Variants in PUDP observed in about 807,000 individuals in gnomAD.
PUDP encodes pseudouridine-5'-phosphatase.
A neutral mutation model predicts 9.4 loss-of-function variants in PUDP; 8 were observed. The observed-to-expected ratio is 0.85, with a 90% confidence interval of 0.50 to 1.53. The LOEUF is 1.53. PUDP is among the 40% of genes most tolerant of loss of function. PUDP has a pLI of 0.00. For synonymous variants in PUDP, 99 were observed against 80.7 expected (o/e 1.23, Z -1.22); for missense variants, 188 against 189.7 (o/e 0.99, Z 0.05).
intron 3 of PUDP, among the ~76,000 whole-genome samples, chrX:6,883,521 CA>C (rs753618830): frequency 0.024 from 982 of 41,356 alleles, 7 homozygotes; most frequent in African/African-American, 0.06. Flanking sequence ...GACCTTGTCT[CA>C]AAAAAAAAAA....
intron 3 of PUDP, among the ~76,000 whole-genome samples, chrX:6,757,193 A>G (rs778389584): frequency 8.1e-5 from 9 of 111,684 alleles, no homozygotes; most frequent in Non-Finnish European, 1.5e-4. Flanking sequence ...TTGGAAGTAG[A>G]TAGAGCCGGA....
intron 3 of PUDP, among the ~76,000 whole-genome samples, chrX:6,907,214 G>C (rs763751004): frequency 4.5e-5 from 5 of 110,975 alleles, no homozygotes; most frequent in Non-Finnish European, 9.4e-5. Context: ...CTTTCCCTGT[G>C]TTCACTCTGC....
upstream of PUDP, among the ~76,000 whole-genome samples, chrX:6,726,268 G>T (rs1006139984): frequency 4.5e-5 from 5 of 111,485 alleles, no homozygotes; most frequent in East Asian, 1.4e-3. Flanking sequence ...ACTAAAGGCT[G>T]GGAAGCACAG....
chrX:7,059,412 G>T (rs1443165661), intron 3 of PUDP, among the ~76,000 whole-genome samples: 2 of 111,962 alleles, frequency 1.8e-5, no homozygotes, highest in Non-Finnish European at 3.8e-5. Context: ...AAAACAAACC[G>T]CAAGTTTCTA....
chrX:6,716,712 A>G (rs887674374), intron 1 of PUDP, among the ~76,000 whole-genome samples: 2 of 110,259 alleles, frequency 1.8e-5, no homozygotes, highest in African/African-American at 6.6e-5. Context: ...AGCTCACTGC[A>G]ACCTCAAACT....
At chrX:7,124,902 G>A (rs1469368055) in intron 1 of PUDP, among the ~76,000 whole-genome samples, 13 of 108,830 alleles carry the variant, frequency 1.2e-4, no homozygotes, top group Non-Finnish European at 2.5e-4. Flanking sequence ...GAGCGGAGAT[G>A]GCGCCACTGC....
chrX:6,931,196 G>A (rs1032140323), intron 3 of PUDP, among the ~76,000 whole-genome samples: 2 of 111,331 alleles, frequency 1.8e-5, no homozygotes, highest in Admixed American at 1.9e-4. Context: ...TATTATTAGC[G>A]CCAGGACCTG....
At chrX:6,899,044 CCTGT>C (rs1927634632) in intron 3 of PUDP, among the ~76,000 whole-genome samples, 1 of 112,122 alleles carries the variant, frequency 8.9e-6, no homozygotes, top group Non-Finnish European at 1.9e-5. Context: ...TTCTGTGTAG[CCTGT>C]CTAACTCCCT....
chrX:7,021,678 T>C (rs775369883), intron 1 of PUDP, among the ~76,000 whole-genome samples: 5 of 112,067 alleles, frequency 4.5e-5, no homozygotes, highest in Admixed American at 3.8e-4. Flanking sequence ...CATATGCGTA[T>C]GTCAAAACTA....
intron 3 of PUDP, among the ~76,000 whole-genome samples, chrX:6,828,752 G>T (rs1175947675): frequency 9.0e-6 from 1 of 111,107 alleles, no homozygotes; most frequent in Non-Finnish European, 1.9e-5. Flanking sequence ...CCATAGTTTT[G>T]CCCTGTCCAA....
At chrX:6,785,056 G>A (rs1034913683) in intron 3 of PUDP, among the ~76,000 whole-genome samples, 8 of 112,379 alleles carry the variant, frequency 7.1e-5, no homozygotes, top group African/African-American at 1.9e-4. Flanking sequence ...ATCTTTCCAC[G>A]ACGTTATCTT....
chrX:6,902,062 A>C (rs747737581), intron 3 of PUDP, among the ~76,000 whole-genome samples: 1 of 110,057 alleles, frequency 9.1e-6, no homozygotes, highest in African/African-American at 3.3e-5. Flanking sequence ...TTTTGTAAAG[A>C]TGGCGGGGGG....
chrX:6,849,215 G>C (rs1464439828), intron 3 of PUDP, among the ~76,000 whole-genome samples: 1 of 112,206 alleles, frequency 8.9e-6, no homozygotes. Flanking sequence ...GACTACATCA[G>C]GCGCCTAGCT....
chrX:7,099,990 C>T (rs1197162224), intron 2 of PUDP, among the ~76,000 whole-genome samples: 2 of 108,860 alleles, frequency 1.8e-5, no homozygotes, highest in African/African-American at 6.7e-5. Flanking sequence ...GGTGACTGGC[C>T]AAGGCAGACA....
At chrX:6,887,112 TTA>T (rs1487806263) in intron 3 of PUDP, among the ~76,000 whole-genome samples, 2 of 93,491 alleles carry the variant, frequency 2.1e-5, no homozygotes, top group Non-Finnish European at 4.2e-5. Flanking sequence ...ATATAATATA[TTA>T]TATGATATAT....
At chrX:6,920,828 T>C (rs1381075713) in intron 3 of PUDP, among the ~76,000 whole-genome samples, 3 of 111,876 alleles carry the variant, frequency 2.7e-5, no homozygotes, top group Non-Finnish European at 5.6e-5. Context: ...ATCTTCAACC[T>C]TGACAAAATA....
At chrX:6,991,161 C>T (rs1486837659) in intron 1 of PUDP, among the ~76,000 whole-genome samples, 1 of 112,026 alleles carries the variant, frequency 8.9e-6, no homozygotes, top group African/African-American at 3.2e-5. Flanking sequence ...ATCTGCCCCA[C>T]ACAGATGAGG....
chrX:6,883,521 CAAAAAA>C (rs753618830), intron 3 of PUDP, among the ~76,000 whole-genome samples: 1 of 41,429 alleles, frequency 2.4e-5, no homozygotes, highest in Non-Finnish European at 4.8e-5. Context: ...GACCTTGTCT[CAAAAAA>C]AAAAAAAAAA....
intron 1 of PUDP, among the ~76,000 whole-genome samples, chrX:6,994,963 T>A (rs1475821973): frequency 1.8e-5 from 2 of 110,490 alleles, no homozygotes; most frequent in African/African-American, 6.6e-5. Context: ...GGGAAAGTAC[T>A]ATAGGAAAAA....
Sources: gnomAD v4.1 joint callset for allele counts (sites outside exome capture counted in the v4.1 genomes callset) on GRCh38, gnomAD v4.1.1 for gene constraint, MANE v1.5 for transcripts, NCBI Gene and HGNC (gene_info 2026-07-23, HGNC 2026-07-21) for gene names.